KRT2: variants seen among roughly 807,000 people sequenced by gnomAD.
KRT2 encodes keratin, type II cytoskeletal 2 epidermal.
Under a neutral mutation model 48.5 loss-of-function variants are expected in KRT2, and 37 were observed. That is an observed-to-expected ratio of 0.76 (90% CI 0.59 to 1.00). The LOEUF is 1.00. Among genes scored for constraint, KRT2 ranks in the 50% least tolerant of loss-of-function variants. The pLI, the probability that KRT2 is intolerant of heterozygous loss-of-function variation, is 0.00. For synonymous variants in KRT2, 324 were observed against 312.2 expected (o/e 1.04, Z -0.40); for missense variants, 880 against 815.2 (o/e 1.08, Z -0.97).
rs771223197 is a variant in KRT2 at position 52,649,953 on chromosome 12, C to T, written c.822G>A (p.Lys274=). 1.2e-6 allele frequency: 2 copies of T among 1,613,408 alleles called. No homozygotes were observed. The highest frequency in any genetic ancestry group is 4.5e-5 in the East Asian group (2 of 44,886). ...YKKKYEDEIN[K]RTAAENDFVT... ...CAAAATCATTCTCAGCAGCTGTGCGCTTATTGATTTCATCCTCATACCTAT... is the reference window on the plus strand; with the variant it reads ...CAAAATCATTCTCAGCAGCTGTGCGTTTATTGATTTCATCCTCATACCTAT... Residue 274 remains lysine (K), a synonymous_variant, in exon 3 of 9, where the codon AAG becomes AAA. Transcript: ENST00000309680.
intron 7 of KRT2, 22 bp from the exon 8 acceptor site, chr12:52,645,591 C>G: frequency 6.2e-7 from 1 of 1,613,584 alleles, no homozygotes; most frequent in African/African-American, 1.3e-5. Flanking sequence ...AGAGAAAAAA[C>G]AAGTTGTGGT....
chr12:52,645,073 T>A lies in KRT2; in HGVS notation c.1866A>T (p.Val622=). 6.2e-7 allele frequency: 1 copy of A among 1,614,026 alleles called. No individual in the cohort carries two copies. Among genetic ancestry groups the A allele is most frequent in the South Asian group, 1.1e-5 (1 of 91,058 alleles). ...YGSGGGGSSS[V]KGSSGEAFGS... Reference sequence around the variant, plus strand: ...CAAAAGCTTCACCTGAGCTACCCTTTACAGAGCTAGAACCCCCACCTCCAG... The same window carrying A: ...CAAAAGCTTCACCTGAGCTACCCTTAACAGAGCTAGAACCCCCACCTCCAG... Residue 622 remains valine, a synonymous_variant, in exon 9 of 9, where the codon GTA becomes GTT. Coordinates refer to ENST00000309680, the MANE Select transcript of KRT2 (RefSeq NM_000423.3).
chr12:52,647,109 C>G (rs115736484), intron 6 of KRT2, 149 bp from the exon 7 acceptor site: 2 of 738,280 alleles, frequency 2.7e-6, no homozygotes, highest in Middle Eastern at 7.0e-4. Flanking sequence ...TAAGACTTGC[C>G]GCTGTCTCTG....
chr12:52,649,415 GGGTTTCCACAGTCCTCA>G (rs1293177509), intron 3 of KRT2, among the ~76,000 whole-genome samples: 1 of 152,100 alleles, frequency 6.6e-6, no homozygotes, highest in African/African-American at 2.4e-5. Flanking sequence ...TGTTCTTTGT[GGGTTTCCACAGTCCTCA>G]GCTCTCTCAT....
chr12:52,650,496 G>T lies in KRT2; in HGVS notation c.643C>A (p.Gln215Lys). The change falls in exon 2 of 9, where the codon CAA becomes AAA. Residue 215 changes from glutamine (Q) to lysine (K), a missense_variant. Transcript: ENST00000309680. ...ATGGGGCGGGTGCCAACATTCATTT[G>T]TTGTAGCAGCTCCCATTTGGTCTGT... The part of the protein sequence containing the change: ...VLQTKWELLQ[Q>K]MNVGTRPINL... 1 of 1,613,506 alleles carries T rather than the reference G, an allele frequency of 6.2e-7. No individual in the cohort carries two copies. The highest frequency in any genetic ancestry group is 8.5e-7 in the Non-Finnish European group (1 of 1,180,022).
chr12:52,645,157 T>C lies in KRT2; in HGVS notation c.1782A>G (p.Gly594=). Residue 594 remains glycine (G), a synonymous_variant, in exon 9 of 9, where the codon GGA becomes GGG. Coordinates refer to ENST00000309680, the MANE Select transcript of KRT2 (RefSeq NM_000423.3). Reference sequence around the variant, plus strand: ...TAGAGCCACCTCCAGAGCTGTGTTTTCCACCTCCAGAGCCATATCCTCCTC... The same window carrying C: ...TAGAGCCACCTCCAGAGCTGTGTTTCCCACCTCCAGAGCCATATCCTCCTC... The part of the protein sequence containing the change: ...ISGGGYGSGG[G]KHSSGGGSRG... 6.2e-7 allele frequency: 1 copy of C among 1,613,374 alleles called. No individual in the cohort carries two copies. The highest frequency in any genetic ancestry group is 8.5e-7 in the Non-Finnish European group (1 of 1,179,864).
At chr12:52,651,460 G>T in intron 1 of KRT2, 98 bp downstream of exon 1, 1 of 965,430 alleles carries the variant, frequency 1.0e-6, no homozygotes, top group Non-Finnish European at 1.7e-6. Flanking sequence ...GTACACCACT[G>T]GCTCCTAAGA....
chr12:52,648,288 G>A lies in KRT2; in HGVS notation c.1007C>T (p.Ser336Phe). The A allele has an allele frequency of 6.2e-7, 1 of 1,614,104 alleles. No homozygotes were observed. Among genetic ancestry groups the A allele is most frequent in the Non-Finnish European group, 8.5e-7 (1 of 1,179,966 alleles). Residue 336 changes from serine (S) to phenylalanine (F), a missense_variant, in exon 5 of 9, where the codon TCC becomes TTC. Transcript: ENST00000309680. ...QSVTDTNVIL[S>F]MDNSRNLDLD... ...GTCCAGGTTGCGGCTGTTGTCCATG[G>A]AGAGGATGACGTTGGTGTCAGTGAC...
intron 4 of KRT2, among the ~76,000 whole-genome samples, chr12:52,648,616 T>A (rs1176637728): frequency 1.3e-5 from 2 of 152,150 alleles, no homozygotes; most frequent in Non-Finnish European, 1.5e-5. Context: ...GGCAAATACC[T>A]TAAATGGACT....
chr12:52,649,236 A>G lies in KRT2; in HGVS notation c.862-134T>C, dbSNP rs549989406. ...GCTCCCCAACCTGATCCCTGTCCCC[A>G]TGGGACTTCTTTTGTCGTGCAGTTT... On this transcript the variant is annotated intron_variant, in intron 3 of 8. Transcript: ENST00000309680. 8.1e-5 allele frequency: 57 copies of G among 702,006 alleles called. No individual in the cohort carries two copies. In the South Asian group the frequency reaches 8.3e-4, roughly 10 times the overall value. The allele number at this position is 702,006 out of a possible 1,614,324, so 43.5% of individuals were successfully genotyped here. A position where few individuals can be genotyped will look rare whatever the true frequency, so the allele number is the denominator to read the frequency against.
chr12:52,645,453 T>C lies in KRT2; in HGVS notation c.1505-19A>G. 6.2e-7 allele frequency: 1 copy of C among 1,614,130 alleles called. No homozygotes were observed. The highest frequency in any genetic ancestry group is 1.1e-5 in the South Asian group (1 of 91,078). On this transcript the variant is annotated intron_variant, in intron 8 of 8. Transcript: ENST00000309680. ...GTCACAGCTGCAGAGAGAGGTGGTG[T>C]TACCACAGAGATTATGACTGCCTCT...
At position 52,646,792 on chromosome 12, in the gene KRT2, G is replaced by A; in HGVS notation, c.1417C>T (p.Leu473=). The change falls in exon 7 of 9, where the codon CTA becomes TTA. Residue 473 remains leucine, a synonymous_variant. Coordinates refer to ENST00000309680, the MANE Select transcript of KRT2 (RefSeq NM_000423.3). ...YQELMNVKLA[L]DVEIATYRKL... is the part of the protein sequence containing the mutation. ...CGGTAGGTGGCGATCTCCACATCTA[G>A]GGCCAGCTTCACGTTCATCAGCTCC... 1 of 1,614,130 alleles carries A rather than the reference G, an allele frequency of 6.2e-7. No individual in the cohort carries two copies. Among genetic ancestry groups the A allele is most frequent in the African/African-American group, 1.3e-5 (1 of 75,022 alleles).
Position 52,644,913 on chromosome 12 carries a change from TG to T in KRT2, c.*105del. On this transcript the variant is annotated 3_prime_UTR_variant, in exon 9 of 9. Transcript: ENST00000309680. The stretch of plus-strand genomic sequence containing the variant: ...CCCTCAAAGTGCCATCAGAGATAAA[TG>T]ACAAAAATTTAACTTGCTGCCAGTT... 1 of 1,231,516 alleles carries T rather than the reference TG, an allele frequency of 8.1e-7. No individual in the cohort carries two copies. The highest frequency in any genetic ancestry group is 1.2e-6 in the Non-Finnish European group (1 of 851,610). 76.3% of individuals were successfully genotyped at this position (1,231,516 alleles called of 1,614,324 possible).
intron 7 of KRT2, 123 bp downstream of exon 7, chr12:52,646,617 A>C (rs1941165101): frequency 3.0e-6 from 3 of 989,796 alleles, no homozygotes; most frequent in Non-Finnish European, 3.2e-6. Context: ...AGAGAATGTC[A>C]GTTCTCAGTT....
chr12:52,646,838 C>G lies in KRT2; in HGVS notation c.1371G>C (p.Ala457=). The change falls in exon 7 of 9, where the codon GCG becomes GCC. Residue 457 remains alanine, a synonymous_variant. Transcript: ENST00000309680. ...GCTCCTGGTAGTCACGCAGCAGCCG[C>G]GCCAAGTCCTCCTTGGCCTGCTGCA... ...EALQQAKEDL[A]RLLRDYQELM... 1 of 1,614,138 alleles carries G rather than the reference C, an allele frequency of 6.2e-7. No homozygotes were observed. Among genetic ancestry groups the G allele is most frequent in the Non-Finnish European group, 8.5e-7 (1 of 1,180,002 alleles).
At position 52,649,098 on chromosome 12, in the gene KRT2, A is replaced by G; in HGVS notation, c.866T>C (p.Val289Ala). ...CACCTTTATCATGTAGGCATTGTCC[A>G]CGTCCTGCAAGAAAGGTTGAGGCCT... is the stretch of plus-strand genomic sequence containing the variant. ...ENDFVTLKKD[V>A]DNAYMIKVEL... Residue 289 changes from valine to alanine, a missense_variant, in exon 4 of 9, where the codon GTG becomes GCG. By Grantham distance (64) the Val-to-Ala change is moderately conservative (BLOSUM62 0). Coordinates refer to ENST00000309680, the MANE Select transcript of KRT2 (RefSeq NM_000423.3). 1.9e-6 allele frequency: 3 copies of G among 1,608,242 alleles called. No homozygotes were observed. The highest frequency in any genetic ancestry group is 2.6e-6 in the Non-Finnish European group (3 of 1,174,870).
intron 1 of KRT2, 99 bp from the exon 2 acceptor site, chr12:52,650,652 C>A: frequency 2.1e-6 from 2 of 933,348 alleles, no homozygotes; most frequent in Admixed American, 3.7e-5. Context: ...TTCAGGACCT[C>A]GAGAAGTGTC....
intron 7 of KRT2, 90 bp from the exon 8 acceptor site, chr12:52,645,659 T>C: frequency 1.5e-6 from 2 of 1,363,684 alleles, no homozygotes; most frequent in Non-Finnish European, 2.1e-6. Flanking sequence ...AAATGTGCAG[T>C]TTAGCCTCTC....
intron 4 of KRT2, 23 bp from the exon 5 acceptor site, chr12:52,648,360 G>A: frequency 1.2e-6 from 2 of 1,609,874 alleles, no homozygotes; most frequent in Non-Finnish European, 1.7e-6. Context: ...GGAAGGTCTG[G>A]TCATGACATC....
Sources: allele counts gnomAD v4.1 joint callset (sites outside exome capture counted in the v4.1 genomes callset), GRCh38; gene constraint gnomAD v4.1.1; transcripts MANE v1.5; gene names NCBI Gene and HGNC (gene_info 2026-07-23, HGNC 2026-07-21).